Variants in GNAQ observed in about 807,000 individuals in gnomAD.
GNAQ encodes the protein guanine nucleotide-binding protein G(q) subunit alpha.
In GNAQ, 8 loss-of-function variants were observed where a neutral mutation model predicts 43.9. That is an observed-to-expected ratio of 0.18 (90% CI 0.11 to 0.33). The LOEUF is 0.33. GNAQ is among the 10% of genes least tolerant of loss of function. The pLI is 1.00. For synonymous variants in GNAQ, 155 were observed against 170.7 expected, an observed-to-expected ratio of 0.91 and a Z score of 0.71; for missense variants, 158 against 450.8, an observed-to-expected ratio of 0.35 and a Z score of 5.88.
intron 5 of GNAQ, among the ~76,000 whole-genome samples, chr9:77,735,628 G>A (rs954623314): frequency 4.6e-5 from 7 of 152,172 alleles, no homozygotes; most frequent in Non-Finnish European, 8.8e-5. Context: ...CCTATCTGAT[G>A]TCAACGCTTT....
intron 5 of GNAQ, among the ~76,000 whole-genome samples, chr9:77,786,917 T>C (rs1239679465): frequency 1.3e-5 from 2 of 152,084 alleles, no homozygotes; most frequent in African/African-American, 2.4e-5. Context: ...TAGCCCCAAA[T>C]TGGAAACACA....
chr9:77,885,941 TGCTCTAATACAGTCTCCCTG>T (rs1331549811), intron 2 of GNAQ, among the ~76,000 whole-genome samples: 5 of 152,132 alleles, frequency 3.3e-5, no homozygotes, highest in African/African-American at 1.2e-4. Flanking sequence ...ATCTATTAAA[TGCTCTAATACAGTCTCCCTG>T]GCATTTAAAA....
At chr9:77,789,819 G>A (rs1477645438) in intron 5 of GNAQ, among the ~76,000 whole-genome samples, 1 of 152,106 alleles carries the variant, frequency 6.6e-6, no homozygotes, top group Non-Finnish European at 1.5e-5. Flanking sequence ...GTGTTCATGT[G>A]TGTCTGCTTC....
At chr9:77,967,947 T>C (rs1017960693) in intron 1 of GNAQ, among the ~76,000 whole-genome samples, 3 of 152,036 alleles carry the variant, frequency 2.0e-5, no homozygotes, top group African/African-American at 7.2e-5. Context: ...ACCATTGCAC[T>C]CCAGCCTGGG....
chr9:77,731,408 C>T (rs1215874047), intron 5 of GNAQ, among the ~76,000 whole-genome samples: 1 of 152,158 alleles, frequency 6.6e-6, no homozygotes, highest in African/African-American at 2.4e-5. Flanking sequence ...GCTCTGGAGG[C>T]AGGTCCTGCT....
intron 1 of GNAQ, among the ~76,000 whole-genome samples, chr9:77,972,770 T>C (rs918572935): frequency 2.2e-4 from 34 of 152,048 alleles, no homozygotes; most frequent in Admixed American, 3.9e-4. Context: ...CTGGCCAACA[T>C]GGGGAAACCC....
At chr9:77,928,972 C>T (rs759934078) in intron 1 of GNAQ, among the ~76,000 whole-genome samples, 3 of 152,062 alleles carry the variant, frequency 2.0e-5, no homozygotes, top group African/African-American at 4.8e-5. Context: ...GAGCTGAGAT[C>T]GCATCATTGC....
intron 1 of GNAQ, among the ~76,000 whole-genome samples, chr9:77,969,880 C>A (rs1228005609): frequency 6.6e-6 from 1 of 152,218 alleles, no homozygotes; most frequent in African/African-American, 2.4e-5. Flanking sequence ...ACCCATTTCT[C>A]TAACTCACCA....
intron 1 of GNAQ, among the ~76,000 whole-genome samples, chr9:77,991,789 G>A (rs1004546433): frequency 2.6e-5 from 4 of 152,128 alleles, no homozygotes; most frequent in African/African-American, 9.7e-5. Flanking sequence ...TCACAGCTTA[G>A]TTCCCACTTA....
At chr9:78,030,494 C>T (rs1346805432) in intron 1 of GNAQ, 1 of 470,468 alleles carries the variant, frequency 2.1e-6, no homozygotes, top group Non-Finnish European at 4.4e-6. Context: ...CCTTGGAGGG[C>T]CAACCACTTG....
At chr9:77,852,588 A>G (rs1344994387) in intron 2 of GNAQ, among the ~76,000 whole-genome samples, 1 of 152,184 alleles carries the variant, frequency 6.6e-6, no homozygotes, top group Admixed American at 6.5e-5. Flanking sequence ...CCAGTCCTTC[A>G]CAGCAAGGTG....
intron 1 of GNAQ, among the ~76,000 whole-genome samples, chr9:77,934,859 G>C (rs1022572021): frequency 3.9e-5 from 6 of 152,216 alleles, no homozygotes; most frequent in Non-Finnish European, 4.4e-5. Context: ...GGGTGCGGTG[G>C]CTCACGCCTG....
chr9:77,775,566 C>A (rs540171998), intron 5 of GNAQ, among the ~76,000 whole-genome samples: 1 of 150,028 alleles, frequency 6.7e-6, no homozygotes, highest in African/African-American at 2.5e-5. Flanking sequence ...CCCGCCACCA[C>A]GCCCAGCTAA....
chr9:77,811,606 G>A (rs1826926707), intron 3 of GNAQ, among the ~76,000 whole-genome samples: 1 of 152,188 alleles, frequency 6.6e-6, no homozygotes, highest in Non-Finnish European at 1.5e-5. Context: ...TTACACTGGA[G>A]AAACATGTGG....
At chr9:77,851,688 AG>A (rs1276522086) in intron 2 of GNAQ, among the ~76,000 whole-genome samples, 2 of 152,180 alleles carry the variant, frequency 1.3e-5, no homozygotes, top group African/African-American at 4.8e-5. Flanking sequence ...GTCTTCCAGT[AG>A]GGTCCTATCC....
At chr9:77,917,377 G>A (rs1828926253) in intron 2 of GNAQ, among the ~76,000 whole-genome samples, 1 of 152,014 alleles carries the variant, frequency 6.6e-6, no homozygotes, top group Non-Finnish European at 1.5e-5. Flanking sequence ...GGAGGGTGGG[G>A]GGGAAGAAGG....
intron 5 of GNAQ, among the ~76,000 whole-genome samples, chr9:77,763,141 C>CAAACAAAAAAAAA (rs1462515368): frequency 1.5e-5 from 1 of 64,834 alleles, no homozygotes; most frequent in African/African-American, 3.5e-5. Flanking sequence ...AACAAACAAA[C>CAAACAAAAAAAAA]AAAAAAAAAA....
intron 1 of GNAQ, among the ~76,000 whole-genome samples, chr9:77,979,593 C>A (rs1293414479): frequency 6.6e-6 from 1 of 151,996 alleles, no homozygotes; most frequent in African/African-American, 2.4e-5. Context: ...ATAAAAAGAA[C>A]CTCTGAGGTC....
intron 1 of GNAQ, among the ~76,000 whole-genome samples, chr9:77,982,879 A>T (rs747291533): frequency 5.3e-5 from 8 of 152,074 alleles, no homozygotes; most frequent in African/African-American, 7.3e-5. Context: ...ACACACCAAC[A>T]TGGCACATGT....
Sources: gnomAD v4.1 joint callset for allele counts (sites outside exome capture counted in the v4.1 genomes callset) on GRCh38, gnomAD v4.1.1 for gene constraint, MANE v1.5 for transcripts, NCBI Gene and HGNC (gene_info 2026-07-23, HGNC 2026-07-21) for gene names.